Variants in ANKS1B observed in about 807,000 individuals in gnomAD.
ANKS1B encodes the protein ankyrin repeat and sterile alpha motif domain containing 1B.
ANKS1B carries 36 observed loss-of-function variants against 148.3 expected under a neutral mutation model. The observed-to-expected ratio is 0.24, with a 90% CI of 0.19 to 0.32. ANKS1B has a LOEUF of 0.32. Among genes scored for constraint, ANKS1B ranks in the 10% least tolerant of loss-of-function variants. The pLI, the probability that ANKS1B is intolerant of heterozygous loss-of-function variation, is 1.00. For missense variants in ANKS1B, 1,157 were observed against 1,542.6 expected (o/e 0.75, Z 4.19); for synonymous variants, 542 against 560.8 (o/e 0.97, Z 0.47).
chr12:98,852,547 G>A (rs1205362662), intron 17 of ANKS1B, among the ~76,000 whole-genome samples: 1 of 152,068 alleles, frequency 6.6e-6, no homozygotes, highest in Non-Finnish European at 1.5e-5. Context: ...AGAAAAAGTG[G>A]GCAAGGGAGG....
intron 8 of ANKS1B, among the ~76,000 whole-genome samples, chr12:99,726,910 G>A (rs919122349): frequency 6.6e-6 from 1 of 152,094 alleles, no homozygotes; most frequent in African/African-American, 2.4e-5. Flanking sequence ...CTCAATAGAT[G>A]CAGAAAAGGC....
At chr12:99,831,675 A>G (rs2084014478) in intron 1 of ANKS1B, among the ~76,000 whole-genome samples, 1 of 151,206 alleles carries the variant, frequency 6.6e-6, no homozygotes, top group Admixed American at 6.6e-5. Context: ...TCAGTGTCTT[A>G]TATGGCTCCA....
intron 1 of ANKS1B, among the ~76,000 whole-genome samples, chr12:99,872,467 A>G (rs185250162): frequency 4.6e-5 from 7 of 152,266 alleles, no homozygotes; most frequent in African/African-American, 9.6e-5. Flanking sequence ...ACCAATGTGA[A>G]ACAAATATCA....
At chr12:99,369,755 T>C (rs1044272746) in intron 12 of ANKS1B, among the ~76,000 whole-genome samples, 1 of 133,390 alleles carries the variant, frequency 7.5e-6, no homozygotes, top group Admixed American at 7.4e-5. Context: ...GAAAGATAGA[T>C]AGATAGATAG....
chr12:99,042,860 C>G lies in ANKS1B; in HGVS notation c.2778+10297G>C, dbSNP rs544645889. The stretch of plus-strand genomic sequence containing the variant: ...AAGCAGAGATTCTACAACCAGTCTT[C>G]TAAATCTTGGAAGACTGCTTTTAGC... On this transcript the variant is annotated intron_variant, in intron 17 of 26. Coordinates refer to ENST00000683438, the MANE Select transcript of ANKS1B (RefSeq NM_001352186.2). Among the ~76,000 whole-genome samples, 30 of 152,344 alleles carry G rather than the reference C, an allele frequency of 2.0e-4. No homozygotes were observed. The South Asian group carries it at 6.2e-3, about 32-fold the overall frequency.
chr12:99,414,092 C>T (rs937579514), intron 11 of ANKS1B, among the ~76,000 whole-genome samples: 4 of 152,046 alleles, frequency 2.6e-5, no homozygotes, highest in Non-Finnish European at 5.9e-5. Context: ...AACACCCCTA[C>T]TCCACCATCA....
intron 2 of ANKS1B, among the ~76,000 whole-genome samples, chr12:99,815,122 G>A (rs1333346519): frequency 1.3e-5 from 2 of 151,508 alleles, no homozygotes; most frequent in African/African-American, 2.4e-5. Flanking sequence ...AAGATTGATG[G>A]GATCATCAAT....
intron 17 of ANKS1B, among the ~76,000 whole-genome samples, chr12:98,944,938 C>A (rs2099842790): frequency 6.6e-6 from 1 of 152,104 alleles, no homozygotes; most frequent in East Asian, 1.9e-4. Context: ...ATGTCTAAAC[C>A]CTTTTCTTCT....
intron 10 of ANKS1B, among the ~76,000 whole-genome samples, chr12:99,500,798 A>G (rs1652217261): frequency 6.6e-6 from 1 of 152,168 alleles, no homozygotes; most frequent in African/African-American, 2.4e-5. Flanking sequence ...ATGCTTTTTG[A>G]AAAATTACCT....
intron 9 of ANKS1B, among the ~76,000 whole-genome samples, chr12:99,564,672 T>A (rs1473660320): frequency 2.0e-5 from 3 of 152,142 alleles, no homozygotes; most frequent in African/African-American, 7.2e-5. Context: ...ACCACTAACA[T>A]CCCTTACAAG....
At chr12:98,943,362 T>C (rs889975369) in intron 17 of ANKS1B, among the ~76,000 whole-genome samples, 1 of 152,242 alleles carries the variant, frequency 6.6e-6, no homozygotes, top group African/African-American at 2.4e-5. Flanking sequence ...ATGGCCTTTA[T>C]AACAAATTGC....
chr12:99,696,301 A>T lies in ANKS1B; in HGVS notation c.1129-41091T>A, dbSNP rs1459922601. Among the ~76,000 whole-genome samples the T allele has an allele frequency of 2.0e-5, 3 of 152,206 alleles. No homozygotes were observed. The East Asian group carries it at 5.8e-4, about 29-fold the overall frequency. On this transcript the variant is annotated intron_variant, in intron 8 of 26. Transcript: ENST00000683438. ...TACGATATATTGTTAAGTGAAAAAC[A>T]AAAGCTTCATATCATTCCTACTCGA...
chr12:99,047,899 C>T (rs2099963537), intron 17 of ANKS1B, among the ~76,000 whole-genome samples: 1 of 152,156 alleles, frequency 6.6e-6, no homozygotes, highest in Non-Finnish European at 1.5e-5. Context: ...GCTTGGTTGG[C>T]TTCAAGGGTG....
At chr12:99,414,167 T>C (rs1033617771) in intron 11 of ANKS1B, among the ~76,000 whole-genome samples, 4 of 152,152 alleles carry the variant, frequency 2.6e-5, no homozygotes, top group Non-Finnish European at 5.9e-5. Flanking sequence ...TTGAAACATA[T>C]GAAACTGCTG....
At chr12:99,264,482 G>A (rs773480622) in intron 12 of ANKS1B, among the ~76,000 whole-genome samples, 69 of 151,998 alleles carry the variant, frequency 4.5e-4, no homozygotes, top group African/African-American at 1.1e-3. Flanking sequence ...CACATGAAGC[G>A]TTTATGATCT....
At chr12:98,988,853 G>A (rs2099924983) in intron 17 of ANKS1B, among the ~76,000 whole-genome samples, 1 of 152,106 alleles carries the variant, frequency 6.6e-6, no homozygotes, top group African/African-American at 2.4e-5. Flanking sequence ...GATGATTAGT[G>A]ATGTTGAGCA....
intron 9 of ANKS1B, chr12:99,647,667 C>T (rs532652447): frequency 5.0e-4 from 79 of 159,492 alleles, no homozygotes; most frequent in Non-Finnish European, 9.5e-4. Context: ...GCAGGGACTA[C>T]TGGGTGACAG....
At chr12:98,841,920 C>G (rs1309805197) in intron 17 of ANKS1B, among the ~76,000 whole-genome samples, 2 of 151,560 alleles carry the variant, frequency 1.3e-5, no homozygotes, top group Admixed American at 1.3e-4. Context: ...AAAAGAATGA[C>G]CCTACCTCGG....
intron 8 of ANKS1B, among the ~76,000 whole-genome samples, chr12:99,689,890 T>C (rs1599751510): frequency 6.6e-6 from 1 of 152,208 alleles, no homozygotes; most frequent in East Asian, 1.9e-4. Flanking sequence ...ATTGCAGCCT[T>C]GTGAGACCAT....
Sources: gnomAD v4.1 joint callset for allele counts (sites outside exome capture counted in the v4.1 genomes callset) on GRCh38, gnomAD v4.1.1 for gene constraint, MANE v1.5 for transcripts, NCBI Gene and HGNC (gene_info 2026-07-23, HGNC 2026-07-21) for gene names.